The following C11orf52 variants were observed in gnomAD, a reference collection of about 807,000 sequenced individuals.
The protein encoded by C11orf52 is uncharacterized protein C11orf52.
Under a neutral mutation model 11.7 loss-of-function variants are expected in C11orf52, and 9 were observed. The ratio of observed to expected loss-of-function variants is 0.77; its 90% confidence interval spans 0.46 to 1.34. The LOEUF (loss-of-function observed/expected upper bound fraction) is 1.34, where lower values mean the gene tolerates loss of function less well. Ranked by LOEUF, C11orf52 falls within the 40% of genes most tolerant of loss-of-function variation. The probability of loss-of-function intolerance (pLI) is 0.00; values close to 1 mark genes in which losing one functional copy is unlikely to be tolerated. For missense variants in C11orf52, 139 were observed against 154.8 expected (o/e 0.90, Z 0.54); for synonymous variants, 49 against 57.4 (o/e 0.85, Z 0.66).
intron 3 of C11orf52, 121 bp downstream of exon 3, chr11:111,925,835 C>T: frequency 1.2e-5 from 18 of 1,562,750 alleles, no homozygotes; most frequent in Non-Finnish European, 1.6e-5. Context: ...CTCTGTCTGT[C>T]CTCCTCTGTC....
At chr11:111,919,124 C>A in intron 1 of C11orf52, 120 bp downstream of exon 1, 1 of 1,095,398 alleles carries the variant, frequency 9.1e-7, no homozygotes, top group Non-Finnish European at 1.3e-6. Context: ...CTTCCTCTGC[C>A]TGGTACCTCC....
At chr11:111,924,686 A>C (rs587634159) in intron 2 of C11orf52, among the ~76,000 whole-genome samples, 62 of 152,364 alleles carry the variant, frequency 4.1e-4, no homozygotes, top group African/African-American at 1.3e-3. Context: ...ACATGATCTC[A>C]GCCCTGGAAG....
Position 111,926,109 on chromosome 11 carries a change from C to A in C11orf52, c.282C>A (p.His94Gln), listed in dbSNP as rs140717344. 1.2e-6 allele frequency: 2 copies of A among 1,614,164 alleles called. No homozygotes were observed. The highest frequency in any genetic ancestry group is 1.7e-5 in the Admixed American group (1 of 60,014). ...CSRPHAREVK[H>Q]VHLENATEYA... The stretch of plus-strand genomic sequence containing the variant: ...GTCCCCATGCCCGGGAAGTGAAACA[C>A]GTGCATTTAGAAAACGCTACAGAGT... The change falls in exon 4 of 4, where the codon CAC becomes CAA. Residue 94 changes from histidine to glutamine, a missense_variant. By Grantham distance (24) the His-to-Gln change is conservative. Transcript: ENST00000278601.
At chr11:111,920,410 C>T (rs184545698) in intron 1 of C11orf52, among the ~76,000 whole-genome samples, 13 of 151,924 alleles carry the variant, frequency 8.6e-5, no homozygotes, top group Admixed American at 5.2e-4. Context: ...TGGTGGCACA[C>T]GCCTGTAATC....
intron 1 of C11orf52, among the ~76,000 whole-genome samples, chr11:111,921,209 T>G (rs1177226786): frequency 6.6e-6 from 1 of 152,260 alleles, no homozygotes; most frequent in Non-Finnish European, 1.5e-5. Flanking sequence ...ATTCAAGTCC[T>G]GCCCTACTAC....
chr11:111,921,652 C>G lies in C11orf52; in HGVS notation c.32+2648C>G, dbSNP rs1442988972. 2.6e-5 allele frequency among the ~76,000 whole-genome samples: 4 copies of G among 152,146 alleles called. No individual in the cohort carries two copies. In the East Asian group the frequency reaches 7.7e-4, roughly 29 times the overall value. Reference sequence around the variant, plus strand: ...AGGAGATGTAACAGCTTCTTTTATTCTCTTTCTTCCCAAGTGTTGGTATTC... The same window carrying G: ...AGGAGATGTAACAGCTTCTTTTATTGTCTTTCTTCCCAAGTGTTGGTATTC... On this transcript the variant is annotated intron_variant, in intron 1 of 3. Transcript: ENST00000278601.
Position 111,924,356 on chromosome 11 carries a change from G to T in C11orf52, c.63G>T (p.Lys21Asn). ...WSCPSTFQKK[K>N]KTGSQTRRTL... is the part of the protein sequence containing the mutation. ...GCCCATCAACTTTCCAGAAGAAAAA[G>T]AAAACAGGTAACTTTGGGGCTGGGG... Residue 21 changes from lysine (K) to asparagine (N), a missense_variant, in exon 2 of 4, where the codon AAG becomes AAT. Coordinates refer to ENST00000278601, the MANE Select transcript of C11orf52 (RefSeq NM_080659.3). The T allele has an allele frequency of 1.2e-6, 2 of 1,612,902 alleles. No individual in the cohort carries two copies. Among genetic ancestry groups the T allele is most frequent in the Non-Finnish European group, 1.7e-6 (2 of 1,179,290 alleles).
At chr11:111,925,931 T>C (rs782333272) in intron 3 of C11orf52, 29 bp from the exon 4 acceptor site, 3 of 1,611,052 alleles carry the variant, frequency 1.9e-6, no homozygotes, top group Non-Finnish European at 2.5e-6. Flanking sequence ...AAGCCATGAA[T>C]CTCCCTTAAT....
intron 1 of C11orf52, chr11:111,919,326 A>T: frequency 3.5e-6 from 1 of 282,056 alleles, no homozygotes; most frequent in Non-Finnish European, 7.0e-6. Flanking sequence ...TACAAAAATT[A>T]GCTGGGCATG....
At chr11:111,919,166 AG>A in intron 1 of C11orf52, 162 bp downstream of exon 1, 2 of 797,480 alleles carry the variant, frequency 2.5e-6, no homozygotes, top group Non-Finnish European at 4.1e-6. Context: ...ACCTCCTTTC[AG>A]GAGGCCTTAG....
chr11:111,926,575 G>A lies in C11orf52; in HGVS notation c.*376G>A, dbSNP rs1555167011. 2 of 245,730 alleles carry A rather than the reference G, an allele frequency of 8.1e-6. No individual in the cohort carries two copies. The highest frequency in any genetic ancestry group is 4.4e-5 in the African/African-American group (2 of 45,000). The allele number at this position is 245,730 out of a possible 1,614,324, so 15.2% of individuals were successfully genotyped here. A position where few individuals can be genotyped will look rare whatever the true frequency, so the allele number is the denominator to read the frequency against. On this transcript the variant is annotated 3_prime_UTR_variant, in exon 4 of 4. Transcript: ENST00000278601. ...TGATCTTGTTGGACTTTAATTAATGGTATCCTTTTTCACACACCTTAAACT... is the reference window on the plus strand; with the variant it reads ...TGATCTTGTTGGACTTTAATTAATGATATCCTTTTTCACACACCTTAAACT...
Position 111,926,176 on chromosome 11 carries a change from A to G in C11orf52, c.349A>G (p.Ser117Gly). The G allele has an allele frequency of 6.2e-7, 1 of 1,614,242 alleles. No individual in the cohort carries two copies. Among genetic ancestry groups the G allele is most frequent in the Non-Finnish European group, 8.5e-7 (1 of 1,180,048 alleles). Reference protein sequence around the residue: ...RFPQATPRYDSKNGTLV With the variant: ...RFPQATPRYDGKNGTLV ...CCCCCAGGCCACACCTCGCTATGAC[A>G]GCAAGAACGGGACCCTGGTGTGAGC... Residue 117 changes from serine to glycine, a missense_variant, in exon 4 of 4, where the codon AGC becomes GGC. Physicochemically the swap from Ser to Gly is moderately conservative, Grantham distance 56. Coordinates refer to ENST00000278601, the MANE Select transcript of C11orf52 (RefSeq NM_080659.3).
Position 111,925,965 on chromosome 11 carries a change from T to G in C11orf52, c.138T>G (p.His46Gln). 6.2e-7 allele frequency: 1 copy of G among 1,614,160 alleles called. No homozygotes were observed. The highest frequency in any genetic ancestry group is 8.5e-7 in the Non-Finnish European group (1 of 1,180,026). Residue 46 changes from histidine to glutamine, a missense_variant, in exon 4 of 4, where the codon CAT becomes CAG. His to Gln is a conservative substitution (Grantham distance 24). Transcript: ENST00000278601. ...QQLQQNLPKG[H>Q]ETTGHTYERV... The stretch of plus-strand genomic sequence containing the variant: ...ATGCTATCCATTCCTCGCAGGGCCA[T>G]GAAACAACAGGACATACGTATGAAC...
chr11:111,919,566 C>T (rs1324442521), intron 1 of C11orf52, among the ~76,000 whole-genome samples: 1 of 152,170 alleles, frequency 6.6e-6, no homozygotes, highest in African/African-American at 2.4e-5. Context: ...TTTTTCTGTG[C>T]CCTCTTCCTC....
At position 111,926,206 on chromosome 11, in the gene C11orf52, G is replaced by A. The variant is rs781911667; in HGVS notation, c.*7G>A. On this transcript the variant is annotated 3_prime_UTR_variant, in exon 4 of 4. Transcript: ENST00000278601. The stretch of plus-strand genomic sequence containing the variant: ...GAACGGGACCCTGGTGTGAGCGCTT[G>A]GGAGGAAGGCCCAGTCCATCGTTAA... 15 of 1,613,004 alleles carry A rather than the reference G, an allele frequency of 9.3e-6. No homozygotes were observed. Among genetic ancestry groups the A allele is most frequent in the Middle Eastern group, 1.8e-4 (1 of 5,696 alleles).
At chr11:111,925,201 A>C (rs1965768817) in intron 2 of C11orf52, among the ~76,000 whole-genome samples, 1 of 149,268 alleles carries the variant, frequency 6.7e-6, no homozygotes, top group Non-Finnish European at 1.5e-5. Context: ...CAGCTCATGA[A>C]AAAAAAAAAA....
At position 111,925,965 on chromosome 11, in the gene C11orf52, T is replaced by C. The variant is rs117666512; in HGVS notation, c.138T>C (p.His46=). ...QQLQQNLPKG[H]ETTGHTYERV... is the part of the protein sequence containing the mutation. ...ATGCTATCCATTCCTCGCAGGGCCA[T>C]GAAACAACAGGACATACGTATGAAC... The change falls in exon 4 of 4, where the codon CAT becomes CAC. Residue 46 remains histidine (H), a synonymous_variant. Coordinates refer to ENST00000278601, the MANE Select transcript of C11orf52 (RefSeq NM_080659.3). 13,281 of 1,614,154 alleles carry C rather than the reference T, an allele frequency of 8.2e-3. 70 individuals are homozygous for C. The highest frequency in any genetic ancestry group is 0.025 in the Middle Eastern group (151 of 6,062).
intron 1 of C11orf52, 31 bp downstream of exon 1, chr11:111,919,035 T>G (rs1156434917): frequency 3.7e-6 from 6 of 1,613,750 alleles, no homozygotes; most frequent in Non-Finnish European, 5.1e-6. Context: ...AAGGGGAACA[T>G]CTATCTCTGT....
At chr11:111,923,626 A>T (rs781903204) in intron 1 of C11orf52, 1 of 152,232 alleles carries the variant, frequency 6.6e-6, no homozygotes, top group Non-Finnish European at 1.5e-5. Flanking sequence ...CACGGGCGCC[A>T]TTGGGGACCC....
Sources: gnomAD v4.1 joint callset for allele counts (sites outside exome capture counted in the v4.1 genomes callset) on GRCh38, gnomAD v4.1.1 for gene constraint, MANE v1.5 for transcripts, NCBI Gene and HGNC (gene_info 2026-07-23, HGNC 2026-07-21) for gene names.